Variants in RAD50 observed in about 807,000 individuals in gnomAD.
The protein encoded by RAD50 is DNA repair protein RAD50.
RAD50 carries 132 observed loss-of-function variants against 168.8 expected under a neutral mutation model. The observed-to-expected ratio is 0.78, with a 90% CI of 0.68 to 0.90. RAD50 has a LOEUF of 0.90. RAD50 is among the 40% of genes least tolerant of loss of function. The pLI, the probability that RAD50 is intolerant of heterozygous loss-of-function variation, is 0.00. For synonymous variants in RAD50, 525 were observed against 497.4 expected (o/e 1.06, Z -0.74); for missense variants, 1,347 against 1,534.4 (o/e 0.88, Z 2.04).
intron 13 of RAD50, chr5:132,600,243 G>A (rs10479008): frequency 0.049 from 7,477 of 152,286 alleles, 593 homozygotes; most frequent in African/African-American, 0.17. Context: ...AATATGCCAG[G>A]GGATGATCAG....
intron 14 of RAD50, 121 bp from the exon 15 acceptor site, chr5:132,603,799 G>C: frequency 1.0e-6 from 1 of 998,680 alleles, no homozygotes. Flanking sequence ...TGCTAAAATT[G>C]TATCTAGAAA....
At chr5:132,580,958 A>G (rs1750494257) in intron 5 of RAD50, among the ~76,000 whole-genome samples, 1 of 152,046 alleles carries the variant, frequency 6.6e-6, no homozygotes. Flanking sequence ...GAAGTAGAAA[A>G]TATATATATA....
chr5:132,587,546 GTTTC>G lies in RAD50; in HGVS notation c.757-12_757-9del, dbSNP rs1332843784. On this transcript the variant is annotated splice_polypyrimidine_tract_variant and intron_variant, in intron 5 of 24. Coordinates refer to ENST00000378823, the MANE Select transcript of RAD50 (RefSeq NM_005732.4). ...CTATAGTGAGTTTTATTTATGTAAT[GTTTC>G]TTTATTTTCAGAATCGTCTAAAAGA... The G allele has an allele frequency of 3.1e-6, 5 of 1,611,400 alleles. No individual in the cohort carries two copies. The highest frequency in any genetic ancestry group is 4.2e-6 in the Non-Finnish European group (5 of 1,178,892).
chr5:132,588,882 C>G lies in RAD50; in HGVS notation c.1245+2C>G, dbSNP rs776276760. On this transcript the variant is annotated splice_donor_variant, in intron 8 of 24. Coordinates refer to ENST00000378823, the MANE Select transcript of RAD50 (RefSeq NM_005732.4). LOFTEE classifies it high-confidence loss of function. ...GCAAAAACTGCCAACCAACTGATGG[C>G]AAGTATTTTGAAATACAGTATTTGT... 7.5e-6 allele frequency: 12 copies of G among 1,606,754 alleles called. No homozygotes were observed. The highest frequency in any genetic ancestry group is 1.1e-5 in the South Asian group (1 of 90,784).
intron 21 of RAD50, among the ~76,000 whole-genome samples, chr5:132,619,063 G>A (rs537033723): frequency 2.0e-5 from 3 of 152,054 alleles, no homozygotes; most frequent in Non-Finnish European, 4.4e-5. Context: ...GTTGTTTATG[G>A]CCGTAGTTGA....
chr5:132,626,817 T>A (rs1389834341), intron 21 of RAD50, among the ~76,000 whole-genome samples: 1 of 152,100 alleles, frequency 6.6e-6, no homozygotes, highest in Non-Finnish European at 1.5e-5. Flanking sequence ...ATGGTAGAGA[T>A]AAAATTAGAT....
At chr5:132,578,912 T>C (rs575593362) in intron 3 of RAD50, among the ~76,000 whole-genome samples, 1 of 152,312 alleles carries the variant, frequency 6.6e-6, no homozygotes, top group South Asian at 2.1e-4. Context: ...GAGCAGTCTG[T>C]TACTGAAGAA....
rs1750478280 is a variant in RAD50 at position 132,580,032 on chromosome 5, T to C, written c.722T>C (p.Val241Ala). 2 of 1,612,942 alleles carry C rather than the reference T, an allele frequency of 1.2e-6. No individual in the cohort carries two copies. Among genetic ancestry groups the C allele is most frequent in the Non-Finnish European group, 8.5e-7 (1 of 1,179,122 alleles). The stretch of plus-strand genomic sequence containing the variant: ...CAGTTAACATCTTCAAAGGAAATTG[T>C]CAAATCCTATGAGAATGAACTTGAT... ...EAQLTSSKEIVKSYENELDPL... is the reference protein window; with the variant it reads ...EAQLTSSKEIAKSYENELDPL... Residue 241 changes from valine to alanine, a missense_variant, in exon 5 of 25, where the codon GTC (valine) becomes GCC (alanine). Val to Ala is a moderately conservative substitution (Grantham distance 64). Around this residue, in one of 3 missense-constraint regions of RAD50, gnomAD observed 703 missense variants for 767.7 expected, o/e 0.92. Coordinates refer to ENST00000378823, the MANE Select transcript of RAD50 (RefSeq NM_005732.4).
At position 132,618,223 on chromosome 5, in the gene RAD50, A is replaced by T. The variant is rs755059126; in HGVS notation, c.3318A>T (p.Glu1106Asp). The change falls in exon 21 of 25, where the codon GAA (glutamate) becomes GAT (aspartate). Residue 1106 changes from glutamate (E) to aspartate (D), a missense_variant. By Grantham distance (45) the Glu-to-Asp change is conservative. Coordinates refer to ENST00000378823, the MANE Select transcript of RAD50 (RefSeq NM_005732.4). ...QFRDAEEKYR[E>D]MMIVMRTTEL... ...GGGATGCTGAGGAAAAGTATAGAGA[A>T]ATGATGATTGTTATGAGGACAACAG... The T allele has an allele frequency of 4.3e-6, 7 of 1,613,904 alleles. No individual in the cohort carries two copies. In the African/African-American group the frequency reaches 8.0e-5, roughly 18 times the overall value.
intron 21 of RAD50, among the ~76,000 whole-genome samples, chr5:132,633,831 T>C (rs895179833): frequency 1.5e-4 from 23 of 152,152 alleles, no homozygotes; most frequent in Admixed American, 1.2e-3. Context: ...CCACCTCAGC[T>C]GCCCAAATAC....
intron 2 of RAD50, among the ~76,000 whole-genome samples, chr5:132,569,867 A>G (rs1284923558): frequency 1.3e-5 from 2 of 152,212 alleles, no homozygotes; most frequent in African/African-American, 2.4e-5. Context: ...ATACTTCTAA[A>G]TATTACATGG....
intron 13 of RAD50, among the ~76,000 whole-genome samples, chr5:132,596,350 G>C (rs533137475): frequency 6.6e-6 from 1 of 152,146 alleles, no homozygotes; most frequent in Non-Finnish European, 1.5e-5. Context: ...TCTTTTGTAT[G>C]TGTGTTTAAT....
At chr5:132,622,098 T>G (rs1440920462) in intron 21 of RAD50, among the ~76,000 whole-genome samples, 1 of 152,088 alleles carries the variant, frequency 6.6e-6, no homozygotes, top group African/African-American at 2.4e-5. Flanking sequence ...GAGTTGTCAT[T>G]TTTTCCTCCA....
rs863224411 is a variant in RAD50, at chr5:132,609,297, A to G, written c.2937A>G (p.Glu979=). The part of the protein sequence containing the change: ...KDDYKKQKET[E]LNKVIAQLSE... ...CTTTTTTGTAGCAAAAAGAAACTGA[A>G]CTTAATAAAGTAATAGCTCAACTAA... Residue 979 remains glutamate (E), a synonymous_variant, in exon 19 of 25, where the codon GAA becomes GAG. Coordinates refer to ENST00000378823, the MANE Select transcript of RAD50 (RefSeq NM_005732.4). 6.2e-6 allele frequency: 10 copies of G among 1,612,384 alleles called. No individual in the cohort carries two copies. The highest frequency in any genetic ancestry group is 8.5e-6 in the Non-Finnish European group (10 of 1,179,546).
intron 11 of RAD50, among the ~76,000 whole-genome samples, chr5:132,593,956 A>G (rs557352121): frequency 7.2e-5 from 11 of 152,294 alleles, no homozygotes; most frequent in African/African-American, 2.6e-4. Flanking sequence ...CTTCAAGGAG[A>G]AGGTCAACAG....
intron 4 of RAD50, 133 bp from the exon 5 acceptor site, chr5:132,579,729 G>T (rs1360706477): frequency 1.1e-6 from 1 of 911,130 alleles, no homozygotes; most frequent in Non-Finnish European, 1.7e-6. Flanking sequence ...TTACCATTAT[G>T]TCATAGGCAT....
chr5:132,596,608 G>T (rs1750796063), intron 13 of RAD50, among the ~76,000 whole-genome samples: 2 of 152,190 alleles, frequency 1.3e-5, no homozygotes, highest in Non-Finnish European at 2.9e-5. Flanking sequence ...CAAAAATCAA[G>T]TCAGGAAATA....
chr5:132,606,352 C>A (rs7706860), intron 16 of RAD50, among the ~76,000 whole-genome samples: 7,212 of 152,210 alleles, frequency 0.047, 556 homozygotes, highest in African/African-American at 0.17. Flanking sequence ...CACCTCTACG[C>A]AAATAAACTA....
At position 132,642,327 on chromosome 5, in the gene RAD50, A is replaced by G. The variant is rs201766077; in HGVS notation, c.3902A>G (p.Lys1301Arg). ...ATCGATCAGTGCTCAGAGATTGTGA[A>G]ATGCAGTGTTAGCTCCCTGGGATTC... is the stretch of plus-strand genomic sequence containing the variant. ...KNIDQCSEIV[K>R]CSVSSLGFNV... Residue 1301 changes from lysine to arginine, a missense_variant, in exon 25 of 25, where the codon AAA (lysine) becomes AGA (arginine). Lys to Arg is a conservative substitution (Grantham distance 26, BLOSUM62 2). This residue lies in a region of RAD50 where 635 missense variants were observed against 739.2 expected (regional missense o/e 0.86). Coordinates refer to ENST00000378823, the MANE Select transcript of RAD50 (RefSeq NM_005732.4). 2.0e-5 allele frequency: 32 copies of G among 1,614,120 alleles called. No homozygotes were observed. In the East Asian group the frequency reaches 4.0e-4, roughly 20 times the overall value.
Sources: allele counts gnomAD v4.1 joint callset (sites outside exome capture counted in the v4.1 genomes callset), GRCh38; gene constraint gnomAD v4.1.1; regional missense constraint gnomAD v4.1.1; transcripts MANE v1.5; gene names NCBI Gene and HGNC (gene_info 2026-07-23, HGNC 2026-07-21).